DNAH2: variants seen among roughly 807,000 people sequenced by gnomAD.
The protein encoded by DNAH2 is dynein axonemal heavy chain 2.
A neutral mutation model predicts 523.5 loss-of-function variants in DNAH2; 323 were observed. The observed-to-expected ratio is 0.62, with a 90% confidence interval of 0.56 to 0.68. The LOEUF is 0.68. Ranked by LOEUF, DNAH2 falls within the 30% of genes least tolerant of loss-of-function variation. The probability of loss-of-function intolerance (pLI) is 0.00; values close to 1 mark genes in which losing one functional copy is unlikely to be tolerated. For synonymous variants in DNAH2, 2,093 were observed against 2,177.4 expected (o/e 0.96, Z 1.08); for missense variants, 4,907 against 5,701.5 (o/e 0.86, Z 4.49).
chr17:7,738,170 CT>C, intron 8 of DNAH2: 1 of 698,150 alleles, frequency 1.4e-6, no homozygotes, highest in Non-Finnish European at 2.6e-6. Flanking sequence ...CTTGTCAGCC[CT>C]GTAAGAGGGT....
At position 7,824,629 on chromosome 17, in the gene DNAH2, C is replaced by T. The variant is rs1011763292; in HGVS notation, c.11755C>T (p.His3919Tyr). Residue 3919 changes from histidine (H) to tyrosine (Y), a missense_variant, in exon 77 of 86, where the codon CAT becomes TAT. His to Tyr is a moderately conservative substitution (Grantham distance 83). This residue lies in a region of DNAH2 where 1,851 missense variants were observed against 2,139.4 expected (regional missense o/e 0.87). Coordinates refer to ENST00000572933, the MANE Select transcript of DNAH2 (RefSeq NM_020877.5). ...GGAGCAGCTGCAGGTGGAGGATCCT[C>T]ATCCATCCTTCCGCCTCTGGCTCAG... ...LVEQLQVEDP[H>Y]PSFRLWLSSI... The T allele has an allele frequency of 6.2e-7, 1 of 1,609,924 alleles. No homozygotes were observed. The highest frequency in any genetic ancestry group is 1.1e-5 in the South Asian group (1 of 90,664).
intron 12 of DNAH2, chr17:7,743,693 T>C: frequency 3.6e-6 from 1 of 276,138 alleles, no homozygotes; most frequent in Non-Finnish European, 6.8e-6. Flanking sequence ...CACTCCACTA[T>C]CTGACTAAAC....
At chr17:7,824,035 C>T (rs1380008366) in intron 75 of DNAH2, 53 bp downstream of exon 75, 1 of 1,592,722 alleles carries the variant, frequency 6.3e-7, no homozygotes, top group Non-Finnish European at 8.6e-7. Context: ...TCCTGCCTCC[C>T]TCGCTCTGTT....
At chr17:7,805,590 G>C (rs190697524) in intron 61 of DNAH2, among the ~76,000 whole-genome samples, 197 bp downstream of exon 61, 24 of 152,268 alleles carry the variant, frequency 1.6e-4, no homozygotes, top group Admixed American at 1.1e-3. Context: ...GGTGGTTCAT[G>C]CCTGTAAACC....
intron 73 of DNAH2, among the ~76,000 whole-genome samples, chr17:7,822,403 G>A (rs564346317): frequency 2.0e-5 from 3 of 152,208 alleles, no homozygotes; most frequent in East Asian, 3.9e-4. Context: ...GGCACGTCTC[G>A]CCTCAGGGCC....
chr17:7,807,007 A>T lies in DNAH2; in HGVS notation c.9443-143A>T. ...GAGACAGAGTCAAGTCAGAGGGAGGAACTAGGGGCCAGGTCAGATAATTTG... is the reference window on the plus strand; with the variant it reads ...GAGACAGAGTCAAGTCAGAGGGAGGTACTAGGGGCCAGGTCAGATAATTTG... On this transcript the variant is annotated intron_variant, in intron 61 of 85. Coordinates refer to ENST00000572933, the MANE Select transcript of DNAH2 (RefSeq NM_020877.5). The surrounding 1 kb of genome is among the most constrained non-coding windows in gnomAD (Gnocchi z 5.6). 1 of 936,396 alleles carries T rather than the reference A, an allele frequency of 1.1e-6. No homozygotes were observed. Among genetic ancestry groups the T allele is most frequent in the South Asian group, 1.6e-5 (1 of 61,652 alleles). The allele number at this position is 936,396 out of a possible 1,614,324, so 58.0% of individuals were successfully genotyped here.
intron 73 of DNAH2, 103 bp from the exon 74 acceptor site, chr17:7,823,339 G>GAA: frequency 9.2e-7 from 1 of 1,083,706 alleles, no homozygotes; most frequent in Non-Finnish European, 1.3e-6. Flanking sequence ...CCGAGAGAGA[G>GAA]AAAAATACAG....
intron 77 of DNAH2, among the ~76,000 whole-genome samples, chr17:7,829,497 T>C (rs1456935215): frequency 6.6e-6 from 1 of 152,130 alleles, no homozygotes; most frequent in Non-Finnish European, 1.5e-5. Context: ...TCCTTCCCAT[T>C]TGGAAGGCTT....
chr17:7,744,711 C>T (rs1027879050), intron 12 of DNAH2, among the ~76,000 whole-genome samples: 3 of 152,178 alleles, frequency 2.0e-5, no homozygotes, highest in Non-Finnish European at 4.4e-5. Context: ...GCCACGTAAA[C>T]ATTGCCTCAT....
rs2077767430 is a variant in DNAH2, at chr17:7,818,911, C to T, written c.10671-8C>T. 3 of 1,610,776 alleles carry T rather than the reference C, an allele frequency of 1.9e-6. No individual in the cohort carries two copies. The East Asian group carries it at 6.7e-5, about 36-fold the overall frequency. ...CCTTGCTCCATGTGCCTCTGGGCCT[C>T]CCCCTAGGCTGCTGAATGAGGCCAC... On this transcript the variant is annotated splice_polypyrimidine_tract_variant and splice_region_variant and intron_variant, in intron 70 of 85. Coordinates refer to ENST00000572933, the MANE Select transcript of DNAH2 (RefSeq NM_020877.5).
At chr17:7,734,394 G>C (rs997263858) in intron 6 of DNAH2, 76 bp from the exon 7 acceptor site, 3 of 1,597,000 alleles carry the variant, frequency 1.9e-6, no homozygotes, top group Non-Finnish European at 2.6e-6. Context: ...GGTCTCTGTC[G>C]GGGTTGCGGG....
rs1328994539 is a variant in DNAH2 at position 7,830,469 on chromosome 17, G to T, written c.12023G>T (p.Gly4008Val). ...CAGCTTGGCTGGAACATCATCTATGGCTTCAATGACTCCGACTTTGAGGTT... is the reference window on the plus strand; with the variant it reads ...CAGCTTGGCTGGAACATCATCTATGTCTTCAATGACTCCGACTTTGAGGTT... ...FLQLGWNIIYGFNDSDFEVSE... is the reference protein window; with the variant it reads ...FLQLGWNIIYVFNDSDFEVSE... Residue 4008 changes from glycine to valine, a missense_variant, in exon 78 of 86, where the codon GGC (glycine) becomes GTC (valine). Gly to Val is a moderately radical substitution (Grantham distance 109, BLOSUM62 -3). Coordinates refer to ENST00000572933, the MANE Select transcript of DNAH2 (RefSeq NM_020877.5). 6.2e-7 allele frequency: 1 copy of T among 1,614,048 alleles called. No individual in the cohort carries two copies. Among genetic ancestry groups the T allele is most frequent in the African/African-American group, 1.3e-5 (1 of 74,916 alleles).
chr17:7,750,388 G>A (rs1017844737), intron 12 of DNAH2, among the ~76,000 whole-genome samples: 3 of 152,026 alleles, frequency 2.0e-5, no homozygotes, highest in African/African-American at 4.8e-5. Flanking sequence ...CAGTTACCCC[G>A]GGACTTCCCT....
Position 7,805,335 on chromosome 17 carries a change from G to A in DNAH2, c.9384G>A (p.Gln3128=). The change falls in exon 61 of 86, where the codon CAG becomes CAA. Residue 3128 remains glutamine (Q), a synonymous_variant. Transcript: ENST00000572933. Reference sequence around the variant, plus strand: ...CAGCCCAAGTGGAGATAGTGATGCAGGCAGTTATGATTCTTCGAGGCAACG... The same window carrying A: ...CAGCCCAAGTGGAGATAGTGATGCAAGCAGTTATGATTCTTCGAGGCAACG... ...RPPAQVEIVM[Q]AVMILRGNEP... The A allele has an allele frequency of 6.2e-7, 1 of 1,614,268 alleles. No homozygotes were observed. Among genetic ancestry groups the A allele is most frequent in the Non-Finnish European group, 8.5e-7 (1 of 1,180,046 alleles).
intron 12 of DNAH2, among the ~76,000 whole-genome samples, chr17:7,753,311 C>G (rs2075741926): frequency 6.6e-6 from 1 of 152,086 alleles, no homozygotes; most frequent in South Asian, 2.1e-4. Flanking sequence ...CAGGGCAGAG[C>G]TATCTAGTAG....
At position 7,821,626 on chromosome 17, in the gene DNAH2, C is replaced by T. The variant is rs541848715; in HGVS notation, c.11142+257C>T. 2.6e-5 allele frequency among the ~76,000 whole-genome samples: 4 copies of T among 152,242 alleles called. No individual in the cohort carries two copies. In the East Asian group the frequency reaches 5.8e-4, roughly 22 times the overall value. Reference sequence around the variant, plus strand: ...GACCCACAAACTGGCCTGATCTTGCCGCTTTTTTACTGCCTTTCAAGGCAC... The same window carrying T: ...GACCCACAAACTGGCCTGATCTTGCTGCTTTTTTACTGCCTTTCAAGGCAC... On this transcript the variant is annotated intron_variant, in intron 73 of 85. Coordinates refer to ENST00000572933, the MANE Select transcript of DNAH2 (RefSeq NM_020877.5). This position sits in a 1 kb window ranked among gnomAD's most constrained non-coding sequence, Gnocchi z 5.0.
chr17:7,775,689 AC>A (rs745846238), intron 30 of DNAH2, among the ~76,000 whole-genome samples: 11 of 122,482 alleles, frequency 9.0e-5, no homozygotes, highest in South Asian at 2.9e-4. Context: ...CCGTCTCAAA[AC>A]CAAAAAAAAA....
chr17:7,729,572 A>G (rs972523238), intron 4 of DNAH2, among the ~76,000 whole-genome samples: 12 of 152,096 alleles, frequency 7.9e-5, no homozygotes, highest in African/African-American at 2.2e-4. Flanking sequence ...ATGGGATTAC[A>G]GGCATGTACC....
Position 7,786,343 on chromosome 17 carries a change from G to A in DNAH2, c.6348+1G>A. 3 of 1,611,008 alleles carry A rather than the reference G, an allele frequency of 1.9e-6. No homozygotes were observed. Among genetic ancestry groups the A allele is most frequent in the Non-Finnish European group, 2.5e-6 (3 of 1,179,878 alleles). On this transcript the variant is annotated splice_donor_variant, in intron 40 of 85. Coordinates refer to ENST00000572933, the MANE Select transcript of DNAH2 (RefSeq NM_020877.5). LOFTEE classifies it high-confidence loss of function. This position sits in a 1 kb window ranked among gnomAD's most constrained non-coding sequence, Gnocchi z 7.5. ...AGACCCTAACTTCAACATTGTTAGAGTACGGGGCTGGGACAGTGGAGTCAG... is the reference window on the plus strand; with the variant it reads ...AGACCCTAACTTCAACATTGTTAGAATACGGGGCTGGGACAGTGGAGTCAG...
Sources: gnomAD v4.1 joint callset for allele counts (sites outside exome capture counted in the v4.1 genomes callset) on GRCh38, gnomAD v4.1.1 for gene constraint, gnomAD v4.1.1 regional missense constraint, Gnocchi (gnomAD v3.1) non-coding constraint, MANE v1.5 for transcripts, NCBI Gene and HGNC (gene_info 2026-07-23, HGNC 2026-07-21) for gene names.